The following CERS6 variants were observed in gnomAD, a reference collection of about 807,000 sequenced individuals.
CERS6 encodes the protein LAG1 homolog, ceramide synthase 6.
In CERS6, 26 loss-of-function variants were observed where a neutral mutation model predicts 56.8. That is an observed-to-expected ratio of 0.46 (90% CI 0.34 to 0.63). The LOEUF is 0.63. CERS6 is among the 30% of genes least tolerant of loss of function. CERS6 has a pLI of 0.01. For synonymous variants in CERS6, 164 were observed against 173.3 expected (o/e 0.95, Z 0.42); for missense variants, 415 against 467.5 (o/e 0.89, Z 1.04).
chr2:168,740,989 G>A (rs1400251243), intron 8 of CERS6, among the ~76,000 whole-genome samples: 1 of 152,132 alleles, frequency 6.6e-6, no homozygotes, highest in Non-Finnish European at 1.5e-5. Flanking sequence ...GAGGGGATGG[G>A]TAAAGGAGAT....
intron 2 of CERS6, among the ~76,000 whole-genome samples, chr2:168,559,302 G>C (rs1695741780): frequency 6.6e-6 from 1 of 152,140 alleles, no homozygotes; most frequent in African/African-American, 2.4e-5. Flanking sequence ...TGTTTTCTGG[G>C]TGTGTGTCTG....
At chr2:168,769,321 A>G (rs1684805277) in intron 9 of CERS6, among the ~76,000 whole-genome samples, 189 bp from the exon 10 acceptor site, 3 of 152,228 alleles carry the variant, frequency 2.0e-5, no homozygotes, top group South Asian at 4.1e-4. Context: ...TCCTTCATAA[A>G]TGACTTTGTC....
At chr2:168,571,525 T>G (rs1445152065) in intron 3 of CERS6, among the ~76,000 whole-genome samples, 1 of 152,116 alleles carries the variant, frequency 6.6e-6, no homozygotes, top group African/African-American at 2.4e-5. Flanking sequence ...TTGGAATGAT[T>G]TGAGCAGATT....
rs1683682510 is a variant in CERS6 at position 168,735,436 on chromosome 2, C to T, written c.845+17458C>T. Among the ~76,000 whole-genome samples the T allele has an allele frequency of 2.6e-5, 4 of 152,166 alleles. 1 individual carries two copies. The highest frequency in any genetic ancestry group is 2.4e-5 in the African/African-American group (1 of 41,442). On this transcript the variant is annotated intron_variant, in intron 8 of 9. Transcript: ENST00000305747. ...TTCTGGGGTAAGAGGGTGTGATTGA[C>T]ACCCTAATTCTGTTTCTTCTGTTTA...
chr2:168,480,195 C>G (rs1694154206), intron 1 of CERS6, among the ~76,000 whole-genome samples: 1 of 152,104 alleles, frequency 6.6e-6, no homozygotes, highest in South Asian at 2.1e-4. Context: ...CTTTAATCAG[C>G]AGGGCACTAA....
intron 1 of CERS6, among the ~76,000 whole-genome samples, chr2:168,544,429 A>T (rs7606021): frequency 0.078 from 11,932 of 152,140 alleles, 614 homozygotes; most frequent in African/African-American, 0.16. Flanking sequence ...GGATTAAATG[A>T]GATTGTGCAC....
chr2:168,547,001 T>C (rs1297920925), intron 1 of CERS6, among the ~76,000 whole-genome samples: 1 of 152,228 alleles, frequency 6.6e-6, no homozygotes, highest in Admixed American at 6.5e-5. Context: ...TTGCGACTTT[T>C]CATCTTGTCT....
intron 3 of CERS6, among the ~76,000 whole-genome samples, chr2:168,592,551 G>T (rs181387089): frequency 6.3e-4 from 96 of 152,266 alleles, no homozygotes; most frequent in African/African-American, 2.1e-3. Context: ...GGTGGAGGCA[G>T]GCTGTTGGTG....
intron 1 of CERS6, among the ~76,000 whole-genome samples, chr2:168,543,992 A>G (rs1204273218): frequency 1.3e-5 from 2 of 152,204 alleles, no homozygotes; most frequent in African/African-American, 4.8e-5. Context: ...GGTACCTACC[A>G]TTGTATTTTA....
At chr2:168,698,255 G>GAAAAAAAAAAAAAAAAAAA (rs869056813) in intron 6 of CERS6, among the ~76,000 whole-genome samples, 31 of 17,900 alleles carry the variant, frequency 1.7e-3, no homozygotes, top group Non-Finnish European at 4.8e-3. Flanking sequence ...AAAAAAAAAA[G>GAAAAAAAAAAAAAAAAAAA]AAAAAAAAAA....
At chr2:168,507,170 C>A (rs965560018) in intron 1 of CERS6, among the ~76,000 whole-genome samples, 1 of 152,126 alleles carries the variant, frequency 6.6e-6, no homozygotes, top group Non-Finnish European at 1.5e-5. Flanking sequence ...CAAAGATATT[C>A]TTCTATATAA....
intron 3 of CERS6, among the ~76,000 whole-genome samples, chr2:168,596,526 A>G (rs1237665581): frequency 6.7e-6 from 1 of 150,360 alleles, no homozygotes; most frequent in Non-Finnish European, 1.5e-5. Context: ...CATTCATTAA[A>G]TCATTGTTTC....
chr2:168,513,256 T>C (rs765592519), intron 1 of CERS6, among the ~76,000 whole-genome samples: 2 of 152,200 alleles, frequency 1.3e-5, no homozygotes, highest in Non-Finnish European at 2.9e-5. Flanking sequence ...ACCTCTTACA[T>C]TAATGTAGCC....
chr2:168,586,460 T>A (rs769391777), intron 3 of CERS6, among the ~76,000 whole-genome samples: 2 of 152,174 alleles, frequency 1.3e-5, no homozygotes, highest in Non-Finnish European at 2.9e-5. Context: ...CAAGTATATA[T>A]AAGAGGTGTG....
At chr2:168,544,200 TTCTC>T (rs143982469) in intron 1 of CERS6, among the ~76,000 whole-genome samples, 3 of 150,972 alleles carry the variant, frequency 2.0e-5, no homozygotes, top group African/African-American at 7.3e-5. Context: ...TCTGTTATTC[TTCTC>T]TCTCTCTCTC....
chr2:168,722,485 C>G (rs947047124), intron 8 of CERS6, among the ~76,000 whole-genome samples: 1 of 152,052 alleles, frequency 6.6e-6, no homozygotes, highest in South Asian at 2.1e-4. Flanking sequence ...TATCCAAGTT[C>G]ATTCTTGTGT....
intron 6 of CERS6, among the ~76,000 whole-genome samples, chr2:168,706,633 T>C (rs1686947507): frequency 6.6e-6 from 1 of 152,248 alleles, no homozygotes. Context: ...TCTTTCTTTA[T>C]AGTTTATCTG....
intron 3 of CERS6, among the ~76,000 whole-genome samples, chr2:168,622,136 A>G (rs939002567): frequency 6.6e-6 from 1 of 152,194 alleles, no homozygotes; most frequent in Non-Finnish European, 1.5e-5. Context: ...TTACAGAATC[A>G]GCTAAAGCTC....
At position 168,657,648 on chromosome 2, in the gene CERS6, G is replaced by A. The variant is rs564301255; in HGVS notation, c.465+26606G>A. Among the ~76,000 whole-genome samples the A allele has an allele frequency of 8.5e-4, 129 of 152,358 alleles. 1 individual carries two copies. Among genetic ancestry groups the A allele is most frequent in the African/African-American group, 3.0e-3 (123 of 41,588 alleles). On this transcript the variant is annotated intron_variant, in intron 4 of 9. Transcript: ENST00000305747. ...GCGCCTGTGGACCGGCACTGCTGGG[G>A]GACTCAGTACACCCTCCGCAGCCAC...
Sources: allele counts gnomAD v4.1 joint callset (sites outside exome capture counted in the v4.1 genomes callset), GRCh38; gene constraint gnomAD v4.1.1; transcripts MANE v1.5; gene names NCBI Gene and HGNC (gene_info 2026-07-23, HGNC 2026-07-21).